PIGN: variants seen among roughly 807,000 people sequenced by gnomAD.
The protein encoded by PIGN is phosphatidylinositol glycan anchor biosynthesis class N.
In PIGN, 117 loss-of-function variants were observed where a neutral mutation model predicts 125.4. The ratio of observed to expected loss-of-function variants is 0.93; its 90% CI spans 0.80 to 1.09. The LOEUF is 1.09. Ranked by LOEUF, PIGN falls within the 50% of genes least tolerant of loss-of-function variation. PIGN has a pLI of 0.00. For synonymous variants in PIGN, 392 were observed against 377.8 expected, an observed-to-expected ratio of 1.04 and a Z score of -0.44; for missense variants, 1,075 against 1,094.9, an observed-to-expected ratio of 0.98 and a Z score of 0.26.
chr18:62,077,651 C>G (rs1339146949), intron 28 of PIGN, among the ~76,000 whole-genome samples: 1 of 152,020 alleles, frequency 6.6e-6, no homozygotes, highest in Non-Finnish European at 1.5e-5. Context: ...TGGAAAGTAC[C>G]TAATACAGTG....
In PIGN at chr18:62,114,605, T is replaced by C. The variant is rs755903091; in HGVS notation, c.1207A>G (p.Arg403Gly). 2.0e-6 allele frequency: 3 copies of C among 1,525,504 alleles called. No homozygotes were observed. Among genetic ancestry groups the C allele is most frequent in the Non-Finnish European group, 1.8e-6 (2 of 1,123,606 alleles). The allele number at this position is 1,525,504 out of a possible 1,614,324, so 94.5% of individuals were successfully genotyped here. Reference sequence around the variant, plus strand: ...TGTTTTATATAAGATCTTGCTTTTCTTAAAATGTTGAACTGTTTGGAATCA... The same window carrying C: ...TGTTTTATATAAGATCTTGCTTTTCCTAAAATGTTGAACTGTTTGGAATCA... Reference protein sequence around the residue: ...LSDSKQFNILRKARSYIKHRK... With the variant: ...LSDSKQFNILGKARSYIKHRK... The change falls in exon 15 of 31, where the codon AGA (arginine) becomes GGA (glycine). Residue 403 changes from arginine (R) to glycine (G), a missense_variant. Around this residue, in one of 3 missense-constraint regions of PIGN, gnomAD observed 915 missense variants for 908.7 expected, o/e 1.01. Coordinates refer to ENST00000640252, the MANE Select transcript of PIGN (RefSeq NM_176787.5).
intron 23 of PIGN, among the ~76,000 whole-genome samples, chr18:62,091,465 A>G (rs768521070): frequency 3.9e-5 from 6 of 152,248 alleles, no homozygotes; most frequent in Non-Finnish European, 8.8e-5. Flanking sequence ...AAAAATATTC[A>G]TATACTATAA....
chr18:62,148,349 CAAATGAGTTAA>C lies in PIGN; in HGVS notation c.550-22_550-12del. The C allele has an allele frequency of 6.9e-7, 1 of 1,457,470 alleles. No individual in the cohort carries two copies. Among genetic ancestry groups the C allele is most frequent in the South Asian group, 1.4e-5 (1 of 72,596 alleles). 90.3% of individuals were successfully genotyped at this position (1,457,470 alleles called of 1,614,324 possible). ...ATGATGAAAGAAGTCCTACATATAA[CAAATGAGTTAA>C]AAATATTTAGTTCATTTGTTTTATT... On this transcript the variant is annotated splice_polypyrimidine_tract_variant and intron_variant, in intron 7 of 30. Transcript: ENST00000640252.
chr18:62,179,867 C>T (rs903927005), intron 1 of PIGN, among the ~76,000 whole-genome samples: 2 of 152,044 alleles, frequency 1.3e-5, no homozygotes, highest in Non-Finnish European at 2.9e-5. Context: ...TAATTTTTAC[C>T]AGTATAGATG....
Position 62,114,622 on chromosome 18 carries a change from T to C in PIGN, c.1190A>G (p.Lys397Arg). The change falls in exon 15 of 31, where the codon AAA (lysine) becomes AGA (arginine). Residue 397 changes from lysine (K) to arginine (R), a missense_variant. Lys to Arg is a conservative substitution (Grantham distance 26). Transcript: ENST00000640252. ...TGCTTTTCTTAAAATGTTGAACTGT[T>C]TGGAATCAGAAAGCAGTCTATATAT... is the stretch of plus-strand genomic sequence containing the variant. ...FTPFKLLSDS[K>R]QFNILRKARS... The C allele has an allele frequency of 1.3e-6, 2 of 1,507,664 alleles. No individual in the cohort carries two copies. The highest frequency in any genetic ancestry group is 1.8e-6 in the Non-Finnish European group (2 of 1,108,618). The allele number at this position is 1,507,664 out of a possible 1,614,324, so 93.4% of individuals were successfully genotyped here.
At chr18:62,119,138 C>G (rs1362331106) in intron 14 of PIGN, among the ~76,000 whole-genome samples, 1 of 152,056 alleles carries the variant, frequency 6.6e-6, no homozygotes, top group Non-Finnish European at 1.5e-5. Context: ...CGCAGCACGG[C>G]CTTGAGTCAG....
chr18:62,141,562 AT>A (rs1209431164), intron 11 of PIGN, among the ~76,000 whole-genome samples: 1 of 152,170 alleles, frequency 6.6e-6, no homozygotes, highest in Admixed American at 6.6e-5. Context: ...TACTATTTAG[AT>A]TGTCATTACC....
chr18:62,174,112 G>C (rs1268066272), intron 1 of PIGN, among the ~76,000 whole-genome samples: 1 of 151,710 alleles, frequency 6.6e-6, no homozygotes, highest in Non-Finnish European at 1.5e-5. Flanking sequence ...TACTCAGGAG[G>C]CTGAGGCAGG....
chr18:62,088,880 A>T (rs2033834353), intron 24 of PIGN, 38 bp from the exon 25 acceptor site: 1 of 1,200,632 alleles, frequency 8.3e-7, no homozygotes, highest in Non-Finnish European at 1.2e-6. Flanking sequence ...GCACAATAAC[A>T]GTTGGCTTAT....
chr18:62,083,687 GA>G (rs202173779), intron 27 of PIGN, among the ~76,000 whole-genome samples: 1 of 151,428 alleles, frequency 6.6e-6, no homozygotes, highest in Non-Finnish European at 1.5e-5. Flanking sequence ...AATAAACTGG[GA>G]AAAAAAACCA....
chr18:62,183,843 T>TC (rs2037802626), intron 1 of PIGN, among the ~76,000 whole-genome samples: 1 of 146,764 alleles, frequency 6.8e-6, no homozygotes, highest in South Asian at 2.1e-4. Context: ...GAAAATACTT[T>TC]AAAAAAAAAA....
Position 62,138,283 on chromosome 18 carries a change from T to C in PIGN, c.1132A>G (p.Lys378Glu). 6.5e-7 allele frequency: 1 copy of C among 1,545,654 alleles called. No homozygotes were observed. Among genetic ancestry groups the C allele is most frequent in the Non-Finnish European group, 8.7e-7 (1 of 1,144,198 alleles). ...AAAAATGGTAAAGTAACTTCTTTCT[T>C]CTGAGTCATTTTCACCTGGGAACCA... Reference protein sequence around the residue: ...LEQFKVKMTQKKEVTLPFLFT... With the variant: ...LEQFKVKMTQEKEVTLPFLFT... Residue 378 changes from lysine to glutamate, a missense_variant, in exon 14 of 31, where the codon AAG becomes GAG. Transcript: ENST00000640252.
Position 62,082,690 on chromosome 18 carries a change from A to T in PIGN, c.2559T>A (p.Thr853=), listed in dbSNP as rs745403848. 3.2e-6 allele frequency: 5 copies of T among 1,543,578 alleles called. No homozygotes were observed. In the African/African-American group the frequency reaches 6.8e-5, roughly 21 times the overall value. ...CATCTTACCTTTTTGACGATAACTG[A>T]GTAGTCAACTGAACTGCTTCAAAAG... ...MCAFEAVQLT[T]QLSSKSLFLI... is the part of the protein sequence containing the mutation. Residue 853 remains threonine, a synonymous_variant, in exon 28 of 31, where the codon ACT becomes ACA. Transcript: ENST00000640252.
intron 23 of PIGN, among the ~76,000 whole-genome samples, chr18:62,027,281 G>C (rs554232195): frequency 2.6e-5 from 4 of 152,286 alleles, no homozygotes; most frequent in African/African-American, 9.6e-5. Flanking sequence ...GGGCAACATA[G>C]TTTGAACCCC....
chr18:62,053,641 G>A (rs2031494922), intron 30 of PIGN, among the ~76,000 whole-genome samples: 1 of 152,098 alleles, frequency 6.6e-6, no homozygotes, highest in Non-Finnish European at 1.5e-5. Context: ...AGATAAAATA[G>A]ACTTCAGAGC....
At chr18:62,031,328 G>A (rs2030190791) in intron 23 of PIGN, among the ~76,000 whole-genome samples, 1 of 152,162 alleles carries the variant, frequency 6.6e-6, no homozygotes, top group Non-Finnish European at 1.5e-5. Context: ...CCAGTCTTGG[G>A]TATGTCTTTA....
At chr18:62,095,155 T>C (rs1383268478) in intron 23 of PIGN, among the ~76,000 whole-genome samples, 1 of 152,224 alleles carries the variant, frequency 6.6e-6, no homozygotes, top group Non-Finnish European at 1.5e-5. Flanking sequence ...GTGGTGTTTA[T>C]TCACTGTTTG....
intron 14 of PIGN, among the ~76,000 whole-genome samples, chr18:62,130,687 T>C (rs1257862741): frequency 6.6e-6 from 1 of 152,170 alleles, no homozygotes; most frequent in African/African-American, 2.4e-5. Flanking sequence ...TTATTCAGGG[T>C]CAGCTAGTGT....
chr18:62,137,935 A>G, intron 14 of PIGN: 1 of 274,982 alleles, frequency 3.6e-6, no homozygotes, highest in Non-Finnish European at 6.8e-6. Context: ...GCCAAGTGCC[A>G]GGAAGTCACA....
Sources: allele counts gnomAD v4.1 joint callset (sites outside exome capture counted in the v4.1 genomes callset), GRCh38; gene constraint gnomAD v4.1.1; regional missense constraint gnomAD v4.1.1; transcripts MANE v1.5; gene names NCBI Gene and HGNC (gene_info 2026-07-23, HGNC 2026-07-21).